APBA1: variants seen among roughly 807,000 people sequenced by gnomAD.
APBA1 encodes the protein amyloid beta precursor protein binding family A member 1, also known as amyloid-beta A4 precursor protein-binding family A member 1.
A neutral mutation model predicts 86.6 loss-of-function variants in APBA1; 55 were observed. The observed-to-expected ratio is 0.64, with a 90% CI of 0.51 to 0.80. The LOEUF is 0.80. APBA1 is among the 30% of genes least tolerant of loss of function. The pLI, the probability that APBA1 is intolerant of heterozygous loss-of-function variation, is 0.00. For synonymous variants in APBA1, 511 were observed against 493.9 expected (o/e 1.03, Z -0.46); for missense variants, 1,090 against 1,183.0 (o/e 0.92, Z 1.15).
At chr9:69,567,311 T>G (rs1837042620) in intron 1 of APBA1, among the ~76,000 whole-genome samples, 1 of 151,828 alleles carries the variant, frequency 6.6e-6, no homozygotes, top group South Asian at 2.1e-4. Flanking sequence ...ATGGGAGAGG[T>G]TCTTCAAATG....
At chr9:69,488,747 C>T (rs143655122) in intron 2 of APBA1, among the ~76,000 whole-genome samples, 2,465 of 152,244 alleles carry the variant, frequency 0.016, 40 homozygotes, top group Non-Finnish European at 0.022. Flanking sequence ...ATTTGAAAGG[C>T]TCTGGAATAA....
At chr9:69,546,045 A>G (rs1234060843) in intron 1 of APBA1, among the ~76,000 whole-genome samples, 1 of 152,250 alleles carries the variant, frequency 6.6e-6, no homozygotes, top group Non-Finnish European at 1.5e-5. Flanking sequence ...AAATTATACA[A>G]GATAAATTTA....
At chr9:69,596,981 A>G (rs1445228014) in intron 1 of APBA1, among the ~76,000 whole-genome samples, 6 of 152,234 alleles carry the variant, frequency 3.9e-5, no homozygotes, top group African/African-American at 1.4e-4. Context: ...GCAAATCAAT[A>G]TTTACAGTGC....
intron 1 of APBA1, among the ~76,000 whole-genome samples, chr9:69,578,855 A>G (rs1821858579): frequency 6.6e-6 from 1 of 152,098 alleles, no homozygotes; most frequent in Admixed American, 6.5e-5. Context: ...AGGGACAGTG[A>G]CTCTGCCTTT....
At chr9:69,619,075 T>C (rs1479720430) in intron 1 of APBA1, among the ~76,000 whole-genome samples, 1 of 152,172 alleles carries the variant, frequency 6.6e-6, no homozygotes, top group African/African-American at 2.4e-5. Flanking sequence ...CTAAGTAGCA[T>C]TGTGGACTAC....
chr9:69,515,880 G>T, intron 2 of APBA1, 131 bp downstream of exon 2: 1 of 990,560 alleles, frequency 1.0e-6, no homozygotes, highest in Non-Finnish European at 1.4e-6. Flanking sequence ...GAGGCTTACG[G>T]TGGAAAAGTT....
At chr9:69,557,860 T>C (rs1343704626) in intron 1 of APBA1, among the ~76,000 whole-genome samples, 2 of 152,220 alleles carry the variant, frequency 1.3e-5, no homozygotes, top group Non-Finnish European at 1.5e-5. Flanking sequence ...ATTCCATTCT[T>C]ATAAATGATG....
intron 1 of APBA1, among the ~76,000 whole-genome samples, chr9:69,520,723 C>T (rs1836238737): frequency 6.6e-6 from 1 of 152,142 alleles, no homozygotes; most frequent in Non-Finnish European, 1.5e-5. Context: ...CCCATATGGG[C>T]AAATGGTACC....
At chr9:69,671,489 C>T (rs1280274375) in intron 1 of APBA1, among the ~76,000 whole-genome samples, 1 of 152,180 alleles carries the variant, frequency 6.6e-6, no homozygotes, top group Admixed American at 6.6e-5. Context: ...GCAGAACAGA[C>T]ACTGTGCTCA....
intron 1 of APBA1, among the ~76,000 whole-genome samples, chr9:69,600,806 TAATAAATAAATA>T (rs60164245): frequency 4.2e-5 from 6 of 143,684 alleles, no homozygotes; most frequent in Middle Eastern, 3.2e-3. Flanking sequence ...CAAAAAATAA[TAATAAATAAATA>T]AATAAATAAA....
At chr9:69,515,930 C>G (rs2133888300) in intron 2 of APBA1, 81 bp downstream of exon 2, 3 of 1,426,042 alleles carry the variant, frequency 2.1e-6, no homozygotes, top group South Asian at 1.5e-5. Flanking sequence ...AAGTCACTAC[C>G]CAAGGGCACA....
At chr9:69,653,963 C>T (rs1006216187) in intron 1 of APBA1, among the ~76,000 whole-genome samples, 4 of 151,812 alleles carry the variant, frequency 2.6e-5, no homozygotes, top group African/African-American at 4.8e-5. Flanking sequence ...AGGCATCTCC[C>T]GTGTAGCCGG....
At chr9:69,518,522 C>T (rs13286303) in intron 1 of APBA1, among the ~76,000 whole-genome samples, 53,003 of 152,044 alleles carry the variant, frequency 0.35, 10,865 homozygotes, top group Middle Eastern at 0.46. Context: ...TTCAGTCTCT[C>T]TCAATTCTTC....
chr9:69,534,775 G>T (rs930479697), intron 1 of APBA1, among the ~76,000 whole-genome samples: 1 of 151,764 alleles, frequency 6.6e-6, no homozygotes. Flanking sequence ...TTCTTCTAGG[G>T]GTTACTTCCA....
intron 1 of APBA1, among the ~76,000 whole-genome samples, chr9:69,519,527 A>C (rs1836219493): frequency 6.6e-6 from 1 of 152,254 alleles, no homozygotes; most frequent in Non-Finnish European, 1.5e-5. Context: ...TTAAATCTAC[A>C]TTGGGTTCTT....
chr9:69,631,216 T>G (rs1039176567), intron 1 of APBA1, among the ~76,000 whole-genome samples: 1 of 151,740 alleles, frequency 6.6e-6, no homozygotes, highest in Non-Finnish European at 1.5e-5. Context: ...CAAGAAAAAA[T>G]CAAACAACCC....
intron 10 of APBA1, among the ~76,000 whole-genome samples, chr9:69,447,161 C>A (rs984217779): frequency 6.6e-6 from 1 of 152,184 alleles, no homozygotes; most frequent in Non-Finnish European, 1.5e-5. Context: ...GGGCTCCACC[C>A]TCCTGCTAAT....
At chr9:69,512,812 G>T (rs1018253008) in intron 2 of APBA1, among the ~76,000 whole-genome samples, 1 of 152,070 alleles carries the variant, frequency 6.6e-6, no homozygotes, top group Non-Finnish European at 1.5e-5. Context: ...GTTTGGAAAC[G>T]AAGGGCAGTA....
intron 1 of APBA1, among the ~76,000 whole-genome samples, chr9:69,609,202 T>C (rs1041436828): frequency 6.6e-6 from 1 of 152,086 alleles, no homozygotes; most frequent in Admixed American, 6.6e-5. Context: ...ATTGTGAAAC[T>C]TTTCAGGATC....
Sources: gnomAD v4.1 joint callset for allele counts (sites outside exome capture counted in the v4.1 genomes callset) on GRCh38, gnomAD v4.1.1 for gene constraint, MANE v1.5 for transcripts, NCBI Gene and HGNC (gene_info 2026-07-23, HGNC 2026-07-21) for gene names.